The following UBE2H variants were observed in gnomAD, a reference collection of about 807,000 sequenced individuals.
The protein encoded by UBE2H is ubiquitin-conjugating enzyme E2 H.
In UBE2H, 3 loss-of-function variants were observed where a neutral mutation model predicts 29.0. That is an observed-to-expected ratio of 0.10 (90% confidence interval 0.05 to 0.27). The LOEUF (loss-of-function observed/expected upper bound fraction) is 0.27. UBE2H is among the 10% of genes least tolerant of loss of function. The pLI is 1.00. For missense variants in UBE2H, 68 were observed against 228.2 expected (o/e 0.30, Z 4.52); for synonymous variants, 69 against 82.9 (o/e 0.83, Z 0.91).
intron 1 of UBE2H, among the ~76,000 whole-genome samples, chr7:129,929,317 C>CA (rs1255962023): frequency 0.12 from 10,879 of 91,324 alleles, 552 homozygotes; most frequent in South Asian, 0.22. Flanking sequence ...AACTCCATCT[C>CA]AAAAAAAAAA....
chr7:129,910,246 T>C (rs1247791504), intron 1 of UBE2H, among the ~76,000 whole-genome samples: 1 of 151,746 alleles, frequency 6.6e-6, no homozygotes, highest in African/African-American at 2.4e-5. Flanking sequence ...GGAGAGTCGC[T>C]TGAACCCTGG....
chr7:129,895,275 C>G (rs905821257), intron 1 of UBE2H, among the ~76,000 whole-genome samples: 1 of 152,142 alleles, frequency 6.6e-6, no homozygotes, highest in Non-Finnish European at 1.5e-5. Flanking sequence ...TGAAGGGAAG[C>G]ACAGGCGGAA....
At chr7:129,839,087 T>C in intron 6 of UBE2H, 120 bp downstream of exon 6, 2 of 1,448,802 alleles carry the variant, frequency 1.4e-6, no homozygotes, top group Non-Finnish European at 1.8e-6. Context: ...CCCACAGCTG[T>C]CTCTTTTTAG....
intron 1 of UBE2H, among the ~76,000 whole-genome samples, chr7:129,930,085 C>G (rs528350602): frequency 6.6e-6 from 1 of 152,328 alleles, no homozygotes; most frequent in East Asian, 1.9e-4. Context: ...TAGACTTTAT[C>G]ATAATATGAC....
In UBE2H at chr7:129,833,294, G is replaced by C. The variant is rs188825374; in HGVS notation, c.*1643C>G. ...TTCCAACCTCACTGACTTAAACCTT[G>C]TGGAATACAGCACTTCTAAACTAAA... is the stretch of plus-strand genomic sequence containing the variant. On this transcript the variant is annotated 3_prime_UTR_variant, in exon 7 of 7. Coordinates refer to ENST00000355621, the MANE Select transcript of UBE2H (RefSeq NM_003344.4). 1.8e-4 allele frequency: 27 copies of C among 152,666 alleles called. No homozygotes were observed. The highest frequency in any genetic ancestry group is 6.5e-4 in the African/African-American group (27 of 41,518). 9.5% of individuals were successfully genotyped at this position (152,666 alleles called of 1,614,324 possible). A position where few individuals can be genotyped will look rare whatever the true frequency, so the allele number is the denominator to read the frequency against.
intron 6 of UBE2H, among the ~76,000 whole-genome samples, chr7:129,835,766 A>T (rs2116255543): frequency 6.6e-6 from 1 of 152,294 alleles, no homozygotes; most frequent in Middle Eastern, 3.4e-3. Context: ...CTAAGTGCAT[A>T]CTGTTTTCAA....
intron 1 of UBE2H, among the ~76,000 whole-genome samples, chr7:129,922,037 G>A (rs183272741): frequency 1.3e-5 from 2 of 152,012 alleles, no homozygotes; most frequent in African/African-American, 4.8e-5. Context: ...AGGCTGGAGT[G>A]CAGTGGCACG....
At chr7:129,880,704 T>A (rs1021348288) in intron 2 of UBE2H, among the ~76,000 whole-genome samples, 191 bp downstream of exon 2, 3 of 152,026 alleles carry the variant, frequency 2.0e-5, no homozygotes, top group African/African-American at 7.3e-5. Flanking sequence ...CTGGAACCAA[T>A]CCCCTACAGA....
intron 5 of UBE2H, among the ~76,000 whole-genome samples, chr7:129,847,276 G>T (rs1805529423): frequency 6.6e-6 from 1 of 152,164 alleles, no homozygotes; most frequent in Non-Finnish European, 1.5e-5. Flanking sequence ...TGATCTCAGG[G>T]TGATCCATCC....
Position 129,952,526 on chromosome 7 carries a change from C to A in UBE2H, c.30G>T (p.Arg10=). 1 of 1,613,212 alleles carries A rather than the reference C, an allele frequency of 6.2e-7. No homozygotes were observed. The highest frequency in any genetic ancestry group is 8.5e-7 in the Non-Finnish European group (1 of 1,179,494). Residue 10 remains arginine (R), a synonymous_variant, in exon 1 of 7, where the codon CGG becomes CGT. Transcript: ENST00000355621. The part of the protein sequence containing the change: MSSPSPGKR[R]MDTDVVKLIE... ...ACAGCTTGACCACGTCCGTGTCCAT[C>A]CGCCTCTTGCCCGGACTGGGAGATG... is the stretch of plus-strand genomic sequence containing the variant.
intron 1 of UBE2H, among the ~76,000 whole-genome samples, chr7:129,950,324 C>G (rs941852180): frequency 6.6e-6 from 1 of 152,144 alleles, no homozygotes; most frequent in Non-Finnish European, 1.5e-5. Flanking sequence ...GGGGAAAGAA[C>G]AGAAGGCCAA....
chr7:129,831,041 A>G lies in UBE2H; in HGVS notation c.*3896T>C, dbSNP rs1174605112. On this transcript the variant is annotated 3_prime_UTR_variant, in exon 7 of 7. Coordinates refer to ENST00000355621, the MANE Select transcript of UBE2H (RefSeq NM_003344.4). ...CCACAGCCAAGATGAGTGTTAGGCTAAATTCAGAGCCCTGGCTCTTCCTCA... is the reference window on the plus strand; with the variant it reads ...CCACAGCCAAGATGAGTGTTAGGCTGAATTCAGAGCCCTGGCTCTTCCTCA... 1.3e-5 allele frequency: 2 copies of G among 152,044 alleles called. No homozygotes were observed. The highest frequency in any genetic ancestry group is 1.3e-4 in the Admixed American group (2 of 15,260). The allele number at this position is 152,044 out of a possible 1,614,324, so 9.4% of individuals were successfully genotyped here.
At chr7:129,896,346 A>C (rs1001334102) in intron 1 of UBE2H, among the ~76,000 whole-genome samples, 4 of 152,088 alleles carry the variant, frequency 2.6e-5, no homozygotes, top group Non-Finnish European at 4.4e-5. Context: ...CAAAAAAAAA[A>C]CAAAATCTTT....
chr7:129,838,318 AC>A (rs149561824), intron 6 of UBE2H, among the ~76,000 whole-genome samples: 1 of 152,310 alleles, frequency 6.6e-6, no homozygotes, highest in Non-Finnish European at 1.5e-5. Context: ...TTTGCCTCAT[AC>A]CTGCACATTT....
intron 5 of UBE2H, among the ~76,000 whole-genome samples, chr7:129,844,743 T>C (rs1254336033): frequency 6.6e-6 from 1 of 152,218 alleles, no homozygotes; most frequent in Non-Finnish European, 1.5e-5. Context: ...ATGTGGTTCA[T>C]TAGCACTGAC....
At chr7:129,856,640 G>A (rs1387767899) in intron 5 of UBE2H, among the ~76,000 whole-genome samples, 1 of 152,170 alleles carries the variant, frequency 6.6e-6, no homozygotes, top group African/African-American at 2.4e-5. Context: ...ATTTGGACAT[G>A]TGGAGGGAAA....
intron 1 of UBE2H, among the ~76,000 whole-genome samples, chr7:129,944,311 G>A (rs184099960): frequency 9.1e-4 from 138 of 152,258 alleles, no homozygotes; most frequent in African/African-American, 3.1e-3. Context: ...AGCCGAGATC[G>A]CGCCACTACA....
intron 1 of UBE2H, among the ~76,000 whole-genome samples, chr7:129,920,850 A>C (rs1807146565): frequency 1.6e-4 from 1 of 6,396 alleles, no homozygotes; most frequent in Non-Finnish European, 4.5e-4. Flanking sequence ...GAAAAAGTCA[A>C]AAAAAAAAAA....
At chr7:129,866,143 G>T (rs1456059553) in intron 3 of UBE2H, among the ~76,000 whole-genome samples, 1 of 152,186 alleles carries the variant, frequency 6.6e-6, no homozygotes, top group Non-Finnish European at 1.5e-5. Context: ...CTTCTTGGGT[G>T]AGGAACCAGG....
Sources: gnomAD v4.1 joint callset for allele counts (sites outside exome capture counted in the v4.1 genomes callset) on GRCh38, gnomAD v4.1.1 for gene constraint, MANE v1.5 for transcripts, NCBI Gene and HGNC (gene_info 2026-07-23, HGNC 2026-07-21) for gene names.